The following CREB5 variants were observed in gnomAD, a reference collection of about 807,000 sequenced individuals.
CREB5 encodes the protein cAMP responsive element binding protein 5.
CREB5 carries 19 observed loss-of-function variants against 57.1 expected under a neutral mutation model. The ratio of observed to expected loss-of-function variants is 0.33; its 90% CI spans 0.23 to 0.49. The LOEUF (loss-of-function observed/expected upper bound fraction) is 0.49. CREB5 is among the 20% of genes least tolerant of loss of function. The probability of loss-of-function intolerance (pLI) is 0.99; values close to 1 mark genes in which losing one functional copy is unlikely to be tolerated. For missense variants in CREB5, 579 were observed against 671.6 expected (o/e 0.86, Z 1.52); for synonymous variants, 238 against 238.3 (o/e 1.00, Z 0.01).
intron 7 of CREB5, among the ~76,000 whole-genome samples, chr7:28,788,667 G>A (rs1338045412): frequency 3.3e-5 from 5 of 152,140 alleles, no homozygotes; most frequent in South Asian, 2.1e-4. Context: ...GAGAAGTGCA[G>A]AATGAGGAGC....
chr7:28,410,002 ACCC>A (rs1191841519), upstream of CREB5: 1 of 452,638 alleles, frequency 2.2e-6, no homozygotes, highest in Admixed American at 2.4e-5. Context: ...TGGCGGCGGA[ACCC>A]CCGGAGAAAG....
intron 5 of CREB5, among the ~76,000 whole-genome samples, chr7:28,596,974 G>T (rs992065148): frequency 3.3e-5 from 5 of 152,138 alleles, no homozygotes; most frequent in Non-Finnish European, 7.3e-5. Context: ...TGCTTCATTT[G>T]CACTGGGACC....
chr7:28,376,995 G>C (rs1249492449), intron 1 of CREB5, among the ~76,000 whole-genome samples: 1 of 152,176 alleles, frequency 6.6e-6, no homozygotes, highest in Non-Finnish European at 1.5e-5. Context: ...TTAACTACCG[G>C]ATTATCCATC....
At chr7:28,359,426 G>T (rs191454778) in intron 1 of CREB5, among the ~76,000 whole-genome samples, 1 of 152,254 alleles carries the variant, frequency 6.6e-6, no homozygotes, top group East Asian at 1.9e-4. Context: ...TGCATTTACG[G>T]CCAATTGATT....
rs1268332483 is a variant in CREB5, at chr7:28,560,909, C to CGTGTGTGTGT, written c.292-9451_292-9450insTGTGTGTGTG. On this transcript the variant is annotated intron_variant, in intron 4 of 10. Coordinates refer to ENST00000357727, the MANE Select transcript of CREB5 (RefSeq NM_182898.4). The stretch of plus-strand genomic sequence containing the variant: ...GTGCGTGTGTGTGCGTGCGCGCGTG[C>CGTGTGTGTGT]GTGTGCGTGTGTGCGCGTGCGTGTG... Among the ~76,000 whole-genome samples, 66 of 32,678 alleles carry CGTGTGTGTGT rather than the reference C, an allele frequency of 2.0e-3. 6 individuals are homozygous for CGTGTGTGTGT. Among genetic ancestry groups the CGTGTGTGTGT allele is most frequent in the East Asian group, 0.015 (22 of 1,452 alleles). 21.4% of individuals were successfully genotyped at this position (32,678 alleles called of 152,430 possible). A position where few individuals can be genotyped will look rare whatever the true frequency, so the allele number is the denominator to read the frequency against.
chr7:28,804,165 G>A, intron 7 of CREB5, 34 bp from the exon 8 acceptor site: 1 of 1,593,864 alleles, frequency 6.3e-7, no homozygotes, highest in Non-Finnish European at 8.6e-7. Flanking sequence ...ACTGACTTCA[G>A]TTGTTCTCTC....
intron 7 of CREB5, among the ~76,000 whole-genome samples, chr7:28,774,121 G>A (rs376396638): frequency 2.0e-5 from 3 of 152,138 alleles, no homozygotes; most frequent in African/African-American, 7.2e-5. Context: ...ACCAGTATGA[G>A]TTATTTTTTA....
intron 5 of CREB5, among the ~76,000 whole-genome samples, chr7:28,695,438 G>A (rs180945271): frequency 6.6e-6 from 1 of 152,166 alleles, no homozygotes; most frequent in Admixed American, 6.5e-5. Context: ...GGGGATGGTG[G>A]GGTGGGAGGG....
chr7:28,705,741 C>A (rs959576993), intron 5 of CREB5, among the ~76,000 whole-genome samples: 2 of 152,188 alleles, frequency 1.3e-5, no homozygotes, highest in African/African-American at 4.8e-5. Context: ...AGAAACTGAG[C>A]AAGTCACTCT....
chr7:28,410,502 G>T (rs532159785), upstream of CREB5: 3 of 456,546 alleles, frequency 6.6e-6, no homozygotes, highest in Non-Finnish European at 1.3e-5. Context: ...GCTGCATCCC[G>T]CTTCTTCTTT....
chr7:28,643,285 T>C (rs997433350), intron 5 of CREB5, among the ~76,000 whole-genome samples: 16 of 152,164 alleles, frequency 1.1e-4, no homozygotes, highest in Non-Finnish European at 1.5e-4. Context: ...CAAATTCCCA[T>C]AGGGAATCTT....
chr7:28,340,187 T>A (rs1785907915), intron 1 of CREB5, among the ~76,000 whole-genome samples: 2 of 152,180 alleles, frequency 1.3e-5, no homozygotes, highest in African/African-American at 4.8e-5. Flanking sequence ...CACTTTACCC[T>A]GCTTTTCTCA....
chr7:28,750,737 A>G (rs1273410429), intron 7 of CREB5, among the ~76,000 whole-genome samples: 1 of 152,200 alleles, frequency 6.6e-6, no homozygotes, highest in Non-Finnish European at 1.5e-5. Flanking sequence ...CAGAGAAGAT[A>G]TATTTTCTAT....
intron 5 of CREB5, among the ~76,000 whole-genome samples, chr7:28,621,032 G>T (rs1797771908): frequency 4.6e-5 from 7 of 152,080 alleles, no homozygotes; most frequent in Admixed American, 4.6e-4. Flanking sequence ...GAATGATGTG[G>T]CCATTTCCAC....
chr7:28,764,245 A>T lies in CREB5; in HGVS notation c.702+39913A>T, dbSNP rs550411006. ...CTAGGTTCTTTAATGTTCTCTTATTATTTTTTTTAAATTTCAAGCAAAATA... is the reference window on the plus strand; with the variant it reads ...CTAGGTTCTTTAATGTTCTCTTATTTTTTTTTTTAAATTTCAAGCAAAATA... On this transcript the variant is annotated intron_variant, in intron 7 of 10. Coordinates refer to ENST00000357727, the MANE Select transcript of CREB5 (RefSeq NM_182898.4). 1.8e-3 allele frequency among the ~76,000 whole-genome samples: 268 copies of T among 151,982 alleles called. 1 individual carries two copies. Among genetic ancestry groups the T allele is most frequent in the African/African-American group, 6.2e-3 (259 of 41,468 alleles).
At chr7:28,723,874 T>C (rs1803184021) in intron 6 of CREB5, among the ~76,000 whole-genome samples, 1 of 152,218 alleles carries the variant, frequency 6.6e-6, no homozygotes, top group South Asian at 2.1e-4. Context: ...ATAGCTTTTG[T>C]ATGGATATAT....
intron 9 of CREB5, among the ~76,000 whole-genome samples, chr7:28,810,850 G>A (rs1254744897): frequency 1.3e-5 from 2 of 152,104 alleles, no homozygotes; most frequent in Non-Finnish European, 2.9e-5. Flanking sequence ...AGATGGCTTG[G>A]GGTTTCCAGT....
intron 1 of CREB5, among the ~76,000 whole-genome samples, chr7:28,423,018 G>A (rs1030772940): frequency 6.6e-6 from 1 of 152,146 alleles, no homozygotes; most frequent in African/African-American, 2.4e-5. Flanking sequence ...GGCTTAAGTG[G>A]TATGTGCAGT....
chr7:28,507,048 C>G (rs1299769136), intron 3 of CREB5, among the ~76,000 whole-genome samples: 1 of 152,174 alleles, frequency 6.6e-6, no homozygotes, highest in Non-Finnish European at 1.5e-5. Flanking sequence ...ATGTGTTTGA[C>G]TTGGAACTTT....
Sources: allele counts gnomAD v4.1 joint callset (sites outside exome capture counted in the v4.1 genomes callset), GRCh38; gene constraint gnomAD v4.1.1; transcripts MANE v1.5; gene names NCBI Gene and HGNC (gene_info 2026-07-23, HGNC 2026-07-21).